PRPF8: variants seen among roughly 807,000 people sequenced by gnomAD.
The protein encoded by PRPF8 is pre-mRNA processing factor 8, also known as pre-mRNA-processing-splicing factor 8.
PRPF8 carries 64 observed loss-of-function variants against 285.9 expected under a neutral mutation model. That is an observed-to-expected ratio of 0.22 (90% CI 0.18 to 0.28). PRPF8 has a LOEUF of 0.28. Ranked by LOEUF, PRPF8 falls within the 10% of genes least tolerant of loss-of-function variation. PRPF8 has a pLI of 1.00. For missense variants in PRPF8, 1,426 were observed against 3,026.7 expected, an observed-to-expected ratio of 0.47 and a Z score of 12.41; for synonymous variants, 1,325 against 1,118.2, an observed-to-expected ratio of 1.18 and a Z score of -3.69.
chr17:1,674,058 C>A (rs1912476727), intron 21 of PRPF8, among the ~76,000 whole-genome samples, 166 bp from the exon 22 acceptor site: 1 of 152,088 alleles, frequency 6.6e-6, no homozygotes, highest in African/African-American at 2.4e-5. Context: ...CAGTCTCGCT[C>A]TTTCCCCAGG....
Position 1,658,008 on chromosome 17 carries a change from G to C in PRPF8, c.5505+245C>G, listed in dbSNP as rs2151114225. Among the ~76,000 whole-genome samples the C allele has an allele frequency of 6.6e-6, 1 of 150,790 alleles. No homozygotes were observed. The stretch of plus-strand genomic sequence containing the variant: ...AAAAAAAAGAGTATGCGTTGCCTTT[G>C]GAAAAATGATTTTTGATAGCCCTGT... On this transcript the variant is annotated intron_variant, in intron 34 of 42. Transcript: ENST00000304992. This position sits in a 1 kb window ranked among gnomAD's most constrained non-coding sequence, Gnocchi z 4.1.
In PRPF8 at chr17:1,682,120, C is replaced by T. The variant is rs1912965350; in HGVS notation, c.434+9G>A. The T allele has an allele frequency of 6.2e-7, 1 of 1,613,946 alleles. No homozygotes were observed. The highest frequency in any genetic ancestry group is 8.5e-7 in the Non-Finnish European group (1 of 1,180,006). On this transcript the variant is annotated intron_variant, in intron 4 of 42. Transcript: ENST00000304992. ...CCACCACCACCCACCATATTTCAGC[C>T]TTTCTCACCCCCACTGGGAGATGTA...
At position 1,651,159 on chromosome 17, in the gene PRPF8, G is replaced by A; in HGVS notation, c.6802C>T (p.Leu2268Phe). ...RVQMLLSDRF[L>F]GFFMVPAQSS... ...TGGGCAGGGACCATGAAGAAGCCAA[G>A]GAAACGGTCCGACAGCAGCATCTGC... Residue 2268 changes from leucine (L) to phenylalanine (F), a missense_variant, in exon 42 of 43, where the codon CTT becomes TTT. Leu to Phe is a conservative substitution (Grantham distance 22, BLOSUM62 0). Around this residue, in one of 34 missense-constraint regions of PRPF8, gnomAD observed 160 missense variants for 373.7 expected, o/e 0.43. Coordinates refer to ENST00000304992, the MANE Select transcript of PRPF8 (RefSeq NM_006445.4). The surrounding 1 kb of genome is among the most constrained non-coding windows in gnomAD (Gnocchi z 5.1). The A allele has an allele frequency of 6.2e-7, 1 of 1,614,174 alleles. No individual in the cohort carries two copies. Among genetic ancestry groups the A allele is most frequent in the South Asian group, 1.1e-5 (1 of 91,076 alleles).
intron 20 of PRPF8, among the ~76,000 whole-genome samples, chr17:1,674,933 A>C (rs1912533679): frequency 6.6e-6 from 1 of 151,808 alleles, no homozygotes; most frequent in Admixed American, 6.6e-5. Flanking sequence ...CACCACACCC[A>C]ACTAATTTTT....
At chr17:1,682,060 A>T in intron 4 of PRPF8, 22 bp from the exon 5 acceptor site, 1 of 1,613,312 alleles carries the variant, frequency 6.2e-7, no homozygotes, top group Non-Finnish European at 8.5e-7. Context: ...GACATCACAC[A>T]ACCATTTCTA....
At chr17:1,660,090 T>G (rs1415029493) in intron 30 of PRPF8, 89 bp from the exon 31 acceptor site, 6 of 1,423,076 alleles carry the variant, frequency 4.2e-6, no homozygotes, top group Non-Finnish European at 5.9e-6. Flanking sequence ...GCAATAGGAG[T>G]CTCATCCTCA....
At position 1,679,538 on chromosome 17, in the gene PRPF8, T is replaced by C. The variant is rs1912792090; in HGVS notation, c.1289+71A>G. 3.8e-6 allele frequency: 6 copies of C among 1,599,766 alleles called. No individual in the cohort carries two copies. Among genetic ancestry groups the C allele is most frequent in the South Asian group, 3.4e-5 (3 of 88,420 alleles). Reference sequence around the variant, plus strand: ...AAAAGAATTTAAAAAAAAGGCTACATGCCCACCTAGTTGGAGTCTTTTCTC... The same window carrying C: ...AAAAGAATTTAAAAAAAAGGCTACACGCCCACCTAGTTGGAGTCTTTTCTC... On this transcript the variant is annotated intron_variant, in intron 9 of 42. Transcript: ENST00000304992. The surrounding 1 kb of genome is among the most constrained non-coding windows in gnomAD (Gnocchi z 4.7).
chr17:1,682,997 A>AT (rs568405779), intron 3 of PRPF8: 40,726 of 158,518 alleles, frequency 0.26, 6,657 homozygotes, highest in African/African-American at 0.5. Flanking sequence ...CTTATTTTTC[A>AT]TTTTTTTTTT....
chr17:1,681,078 G>A, intron 6 of PRPF8, 24 bp from the exon 7 acceptor site: 4 of 1,609,558 alleles, frequency 2.5e-6, no homozygotes, highest in Non-Finnish European at 3.4e-6. Context: ...TCAAGAATAA[G>A]CAGACTTTTT....
chr17:1,654,900 G>C (rs1373035868), intron 37 of PRPF8: 1 of 194,378 alleles, frequency 5.1e-6, no homozygotes. Context: ...CAAAGTGCTG[G>C]TATTACTAGC....
chr17:1,679,132 T>A lies in PRPF8; in HGVS notation c.1484A>T (p.Gln495Leu). ...CATGTTGTAGCCCTGGCGGCAAACC[T>A]GGAGCCCAACCTCCACCCAGTCCAG... Reference protein sequence around the residue: ...TKLDWVEVGLQVCRQGYNMLN... With the variant: ...TKLDWVEVGLLVCRQGYNMLN... Residue 495 changes from glutamine to leucine, a missense_variant, in exon 11 of 43, where the codon CAG (glutamine) becomes CTG (leucine). Coordinates refer to ENST00000304992, the MANE Select transcript of PRPF8 (RefSeq NM_006445.4). This position sits in a 1 kb window ranked among gnomAD's most constrained non-coding sequence, Gnocchi z 4.7. 6.2e-7 allele frequency: 1 copy of A among 1,614,180 alleles called. No individual in the cohort carries two copies. Among genetic ancestry groups the A allele is most frequent in the Non-Finnish European group, 8.5e-7 (1 of 1,180,024 alleles).
At chr17:1,683,027 G>C in intron 3 of PRPF8, 1 of 161,250 alleles carries the variant, frequency 6.2e-6, no homozygotes, top group South Asian at 1.4e-4. Context: ...ACGGAGTCTC[G>C]TACTTTCGCC....
chr17:1,683,528 C>T lies in PRPF8; in HGVS notation c.269+5G>A. 2 of 1,614,144 alleles carry T rather than the reference C, an allele frequency of 1.2e-6. No homozygotes were observed. The highest frequency in any genetic ancestry group is 1.1e-5 in the South Asian group (1 of 91,084). ...CAAATGAAATTATTTCAGGATGTTC[C>T]TTACCCCAAGTAAACCCTTTTGTCA... On this transcript the variant is annotated splice_donor_5th_base_variant and intron_variant, in intron 3 of 42. Coordinates refer to ENST00000304992, the MANE Select transcript of PRPF8 (RefSeq NM_006445.4).
In PRPF8 at chr17:1,676,134, C is replaced by T; in HGVS notation, c.2552+73G>A. On this transcript the variant is annotated intron_variant, in intron 17 of 42. Transcript: ENST00000304992. This position sits in a 1 kb window ranked among gnomAD's most constrained non-coding sequence, Gnocchi z 6.3. Reference sequence around the variant, plus strand: ...GAAAGACTGGGGCTACACCTTCTTTCTTTGGACTCTGAGGATGACGCCATT... The same window carrying T: ...GAAAGACTGGGGCTACACCTTCTTTTTTTGGACTCTGAGGATGACGCCATT... 3.7e-6 allele frequency: 6 copies of T among 1,612,102 alleles called. No individual in the cohort carries two copies. The South Asian group carries it at 4.4e-5, about 12-fold the overall frequency.
intron 37 of PRPF8, among the ~76,000 whole-genome samples, chr17:1,655,146 C>T (rs907676067): frequency 6.6e-6 from 1 of 150,876 alleles, no homozygotes; most frequent in African/African-American, 2.4e-5. Flanking sequence ...TTAGTAGAGA[C>T]GGAGTTTCAC....
chr17:1,682,368 C>T, intron 3 of PRPF8, 75 bp from the exon 4 acceptor site: 1 of 1,537,910 alleles, frequency 6.5e-7, no homozygotes, highest in Non-Finnish European at 9.0e-7. Flanking sequence ...AGAGAAGCCA[C>T]ATGTTCATGT....
At position 1,678,797 on chromosome 17, in the gene PRPF8, C is replaced by T. The variant is rs777124467; in HGVS notation, c.1684G>A (p.Val562Met). The T allele has an allele frequency of 1.2e-6, 2 of 1,614,124 alleles. No individual in the cohort carries two copies. Among genetic ancestry groups the T allele is most frequent in the Admixed American group, 1.7e-5 (1 of 60,026 alleles). Residue 562 changes from valine to methionine, a missense_variant, in exon 12 of 43, where the codon GTG becomes ATG. Val to Met is a conservative substitution (Grantham distance 21, BLOSUM62 1). Transcript: ENST00000304992. ...TCCACATTGCCCAGCCGATACTGCA[C>T]GTGACTATCCACCACCAGCTTAGTC... ...RLTKLVVDSH[V>M]QYRLGNVDAF...
At chr17:1,652,270 ACT>A (rs1408851391) in intron 39 of PRPF8, 11 of 284,520 alleles carry the variant, frequency 3.9e-5, no homozygotes, top group African/African-American at 2.0e-4. Flanking sequence ...ATGGAGTCTC[ACT>A]CTGTCAGCAA....
At chr17:1,656,785 T>C (rs1396885854) in intron 34 of PRPF8, 24 bp from the exon 35 acceptor site, 3 of 1,603,488 alleles carry the variant, frequency 1.9e-6, no homozygotes, top group Non-Finnish European at 2.6e-6. Flanking sequence ...GAGAAGAAAA[T>C]GGAAATTTAG....
Sources: gnomAD v4.1 joint callset for allele counts (sites outside exome capture counted in the v4.1 genomes callset) on GRCh38, gnomAD v4.1.1 for gene constraint, gnomAD v4.1.1 regional missense constraint, Gnocchi (gnomAD v3.1) non-coding constraint, MANE v1.5 for transcripts, NCBI Gene and HGNC (gene_info 2026-07-23, HGNC 2026-07-21) for gene names.